Variants in BFSP1 observed in about 807,000 individuals in gnomAD.
The protein encoded by BFSP1 is beaded filament structural protein 1.
Under a neutral mutation model 43.9 loss-of-function variants are expected in BFSP1, and 38 were observed. The observed-to-expected ratio is 0.87, with a 90% CI of 0.67 to 1.14. The LOEUF (loss-of-function observed/expected upper bound fraction) is 1.14, where lower values mean the gene tolerates loss of function less well. Among genes scored for constraint, BFSP1 ranks in the 50% most tolerant of loss-of-function variants. BFSP1 has a pLI of 0.00. For synonymous variants in BFSP1, 352 were observed against 354.8 expected (o/e 0.99, Z 0.09); for missense variants, 850 against 875.1 (o/e 0.97, Z 0.36).
In BFSP1 at chr20:17,539,927, A is replaced by AT. The variant is rs1158949656; in HGVS notation, c.3-15020dup. On this transcript the variant is annotated intron_variant, in intron 1 of 7. Coordinates refer to the BFSP1 transcript ENST00000377868. ...ACTAGCTTCCCAGCGTTGACCTGAA[A>AT]TTGGGGGGGACAACAATAGTGCAAG... Among the ~76,000 whole-genome samples the AT allele has an allele frequency of 5.1e-4, 77 of 152,116 alleles. 1 individual carries two copies. Among genetic ancestry groups the AT allele is most frequent in the African/African-American group, 1.8e-3 (73 of 41,420 alleles).
chr20:17,517,161 G>A (rs1195982790), intron 2 of BFSP1: 2 of 805,480 alleles, frequency 2.5e-6, no homozygotes, highest in African/African-American at 3.3e-5. Flanking sequence ...ATACTATAAG[G>A]TAGACGAGAA....
At position 17,538,063 on chromosome 20, in the gene BFSP1, G is replaced by A. The variant is rs1600672673; in HGVS notation, c.3-13155C>T. On this transcript the variant is annotated intron_variant, in intron 1 of 7. Coordinates refer to the BFSP1 transcript ENST00000377868. ...TTGAGCCTGGGAGGCAGAGGTTGCCGTGAGCCAAGACTGTGCCACTGCACT... is the reference window on the plus strand; with the variant it reads ...TTGAGCCTGGGAGGCAGAGGTTGCCATGAGCCAAGACTGTGCCACTGCACT... 3.9e-5 allele frequency among the ~76,000 whole-genome samples: 6 copies of A among 151,978 alleles called. 1 individual carries two copies. The South Asian group carries it at 1.2e-3, about 32-fold the overall frequency.
chr20:17,563,556 G>C (rs1275542477), upstream of BFSP1, among the ~76,000 whole-genome samples: 1 of 151,824 alleles, frequency 6.6e-6, no homozygotes, highest in Non-Finnish European at 1.5e-5. Context: ...GGACAGGCTG[G>C]TCTCGAACTT....
chr20:17,541,176 G>A lies in BFSP1; in HGVS notation c.3-16268C>T, dbSNP rs754556231. On this transcript the variant is annotated intron_variant, in intron 1 of 7. Transcript: ENST00000377868. ...GTGAATAGCCACTGCACCCCATTCT[G>A]GGCAACATAGTGAGACCCTGTCTCT... 1,138 of 829,322 alleles carry A rather than the reference G, an allele frequency of 1.4e-3. 3 individuals are homozygous for A. The highest frequency in any genetic ancestry group is 1.6e-3 in the Non-Finnish European group (1,076 of 688,052). 51.4% of individuals were successfully genotyped at this position (829,322 alleles called of 1,614,324 possible).
At chr20:17,553,850 C>CATATATATATAT (rs869119570) in intron 1 of BFSP1, among the ~76,000 whole-genome samples, 13 of 77,242 alleles carry the variant, frequency 1.7e-4, no homozygotes, top group South Asian at 7.5e-4. Flanking sequence ...CATATATATA[C>CATATATATATAT]ATATATATAC....
rs200016560 is a variant in BFSP1 at position 17,503,192 on chromosome 20, TA to T, written c.736-4153del. ...GTGAATGCCACCATGCCCAGCCAAT[TA>T]AAAAAAAATTTTTTTTTGTAGAGAC... is the stretch of plus-strand genomic sequence containing the variant. On this transcript the variant is annotated intron_variant, in intron 5 of 7. Transcript: ENST00000377873. Among the ~76,000 whole-genome samples, 335 of 149,768 alleles carry T rather than the reference TA, an allele frequency of 2.2e-3. 1 individual carries two copies. Among genetic ancestry groups the T allele is most frequent in the African/African-American group, 7.8e-3 (306 of 39,228 alleles).
chr20:17,556,806 A>G (rs2034999221), intron 1 of BFSP1, among the ~76,000 whole-genome samples: 1 of 152,178 alleles, frequency 6.6e-6, no homozygotes. Flanking sequence ...TGTGGCAGGA[A>G]AATTAATAGG....
chr20:17,498,571 C>T (rs1403507148), intron 6 of BFSP1, among the ~76,000 whole-genome samples: 1 of 152,210 alleles, frequency 6.6e-6, no homozygotes, highest in Non-Finnish European at 1.5e-5. Context: ...CTACTTAAAA[C>T]TGCAAGCATT....
intron 5 of BFSP1, among the ~76,000 whole-genome samples, chr20:17,503,168 T>C (rs1457008133): frequency 1.3e-5 from 2 of 152,088 alleles, no homozygotes; most frequent in Non-Finnish European, 2.9e-5. Context: ...AGACCACAGG[T>C]GAATGCCACC....
chr20:17,537,090 C>T (rs1162533965), intron 1 of BFSP1, among the ~76,000 whole-genome samples: 2 of 152,178 alleles, frequency 1.3e-5, no homozygotes, highest in Non-Finnish European at 2.9e-5. Flanking sequence ...ACCATCCGTC[C>T]TTTACCCAGA....
At chr20:17,548,911 G>A (rs1243824472) in intron 1 of BFSP1, among the ~76,000 whole-genome samples, 1 of 152,076 alleles carries the variant, frequency 6.6e-6, no homozygotes, top group Non-Finnish European at 1.5e-5. Context: ...GGGCTCAAGG[G>A]GTCCTCCTGC....
At chr20:17,550,665 G>T (rs769204832) in intron 1 of BFSP1, among the ~76,000 whole-genome samples, 1 of 152,036 alleles carries the variant, frequency 6.6e-6, no homozygotes, top group Non-Finnish European at 1.5e-5. Context: ...TAGAGATGGG[G>T]TTTCACCATG....
At chr20:17,498,045 T>C (rs1455218075) in intron 6 of BFSP1, among the ~76,000 whole-genome samples, 1 of 152,180 alleles carries the variant, frequency 6.6e-6, no homozygotes. Flanking sequence ...CTGCTTCTCC[T>C]GCCAAGCATT....
intron 4 of BFSP1, among the ~76,000 whole-genome samples, chr20:17,510,077 T>G (rs1416401044): frequency 6.6e-6 from 1 of 152,172 alleles, no homozygotes; most frequent in Non-Finnish European, 1.5e-5. Flanking sequence ...CTAACTTGAT[T>G]GTAGAATTGC....
intron 3 of BFSP1, among the ~76,000 whole-genome samples, chr20:17,513,987 G>A (rs2034143864): frequency 6.6e-6 from 1 of 152,184 alleles, no homozygotes; most frequent in Non-Finnish European, 1.5e-5. Flanking sequence ...CTGGGGACAG[G>A]AGTTCCCCAA....
chr20:17,538,472 A>G (rs1414624131), intron 1 of BFSP1, among the ~76,000 whole-genome samples: 1 of 152,226 alleles, frequency 6.6e-6, no homozygotes, highest in Non-Finnish European at 1.5e-5. Flanking sequence ...AATTGTGCTG[A>G]GAACAGGTGT....
chr20:17,498,702 T>C, intron 6 of BFSP1, 118 bp downstream of exon 6: 1 of 1,198,436 alleles, frequency 8.3e-7, no homozygotes, highest in Non-Finnish European at 1.2e-6. Context: ...TCAGGAATTG[T>C]TCTGTTTCCT....
upstream of BFSP1, among the ~76,000 whole-genome samples, chr20:17,535,153 A>C (rs982225692): frequency 1.3e-5 from 2 of 152,222 alleles, no homozygotes; most frequent in African/African-American, 2.4e-5. Flanking sequence ...TTAGAACATA[A>C]AATTGTATCA....
chr20:17,538,412 A>T (rs907519419), intron 1 of BFSP1, among the ~76,000 whole-genome samples: 4 of 152,226 alleles, frequency 2.6e-5, no homozygotes, highest in Admixed American at 2.6e-4. Context: ...TAAGTTTGAA[A>T]TTGTAACAAA....
Sources: gnomAD v4.1 joint callset for allele counts (sites outside exome capture counted in the v4.1 genomes callset) on GRCh38, gnomAD v4.1.1 for gene constraint, MANE v1.5 for transcripts, NCBI Gene and HGNC (gene_info 2026-07-23, HGNC 2026-07-21) for gene names.